The following MTUS2 variants were observed in gnomAD, a reference collection of about 807,000 sequenced individuals.
MTUS2 encodes the protein microtubule-associated tumor suppressor candidate 2.
MTUS2 carries 40 observed loss-of-function variants against 114.1 expected under a neutral mutation model. The observed-to-expected ratio is 0.35, with a 90% CI of 0.27 to 0.46. The LOEUF (loss-of-function observed/expected upper bound fraction) is 0.46, where lower values mean the gene tolerates loss of function less well. Among genes scored for constraint, MTUS2 ranks in the 20% least tolerant of loss-of-function variants. The probability of loss-of-function intolerance (pLI) is 1.00; values close to 1 mark genes in which losing one functional copy is unlikely to be tolerated. For synonymous variants in MTUS2, 688 were observed against 672.0 expected, an observed-to-expected ratio of 1.02 and a Z score of -0.37; for missense variants, 1,679 against 1,705.4, an observed-to-expected ratio of 0.98 and a Z score of 0.27.
chr13:29,459,662 T>C (rs1879349916), intron 9 of MTUS2, among the ~76,000 whole-genome samples: 1 of 152,246 alleles, frequency 6.6e-6, no homozygotes, highest in Admixed American at 6.5e-5. Context: ...ATTTACTTTT[T>C]ATTGCATTCA....
intron 5 of MTUS2, among the ~76,000 whole-genome samples, chr13:29,240,917 T>C (rs1185144203): frequency 6.6e-6 from 1 of 152,144 alleles, no homozygotes; most frequent in Non-Finnish European, 1.5e-5. Context: ...AAATTCAACC[T>C]TATAAAAAAG....
chr13:29,334,910 G>A (rs951605764), intron 7 of MTUS2, among the ~76,000 whole-genome samples: 3 of 152,144 alleles, frequency 2.0e-5, no homozygotes, highest in African/African-American at 4.8e-5. Context: ...TGTCATCTTC[G>A]TAAGCTCAGG....
chr13:29,401,995 A>G (rs553434235), intron 8 of MTUS2, among the ~76,000 whole-genome samples: 3 of 152,230 alleles, frequency 2.0e-5, no homozygotes, highest in African/African-American at 4.8e-5. Context: ...GTATTACCTC[A>G]TTTACTCAAT....
intron 6 of MTUS2, among the ~76,000 whole-genome samples, chr13:29,296,275 C>T (rs768079346): frequency 4.8e-4 from 73 of 151,956 alleles, no homozygotes; most frequent in Non-Finnish European, 7.4e-4. Context: ...TGCAGTGGTG[C>T]GATTATGGCT....
intron 7 of MTUS2, among the ~76,000 whole-genome samples, chr13:29,357,550 G>A (rs534094361): frequency 6.6e-6 from 1 of 152,170 alleles, no homozygotes; most frequent in African/African-American, 2.4e-5. Context: ...CTTAGGCTGT[G>A]TCTTAGAGTT....
chr13:28,825,351 T>C (rs926618568), intron 1 of MTUS2, among the ~76,000 whole-genome samples: 2 of 152,130 alleles, frequency 1.3e-5, no homozygotes, highest in African/African-American at 4.8e-5. Context: ...AATGGAACTA[T>C]GATGTATAAA....
At chr13:29,320,177 GAA>G (rs1900194728) in intron 6 of MTUS2, among the ~76,000 whole-genome samples, 1 of 152,200 alleles carries the variant, frequency 6.6e-6, no homozygotes. Flanking sequence ...GGAGGAATTA[GAA>G]AGACATGATG....
At chr13:29,085,141 T>C (rs975509908) in intron 4 of MTUS2, among the ~76,000 whole-genome samples, 1 of 152,196 alleles carries the variant, frequency 6.6e-6, no homozygotes, top group Non-Finnish European at 1.5e-5. Flanking sequence ...AGGCTTCCCT[T>C]TACCTTCCAC....
At chr13:29,254,686 A>C (rs999558490) in intron 5 of MTUS2, among the ~76,000 whole-genome samples, 3 of 152,224 alleles carry the variant, frequency 2.0e-5, no homozygotes, top group African/African-American at 7.2e-5. Context: ...CCATCTCATA[A>C]ACCTCCAATT....
intron 5 of MTUS2, 58 bp from the exon 6 acceptor site, chr13:29,281,646 T>G (rs1013445224): frequency 1.3e-5 from 20 of 1,513,960 alleles, no homozygotes; most frequent in Non-Finnish European, 1.8e-5. Context: ...GTGCAAATGG[T>G]GAGGGCTCCA....
intron 5 of MTUS2, among the ~76,000 whole-genome samples, chr13:29,194,977 C>T (rs901994453): frequency 1.3e-5 from 2 of 149,876 alleles, no homozygotes; most frequent in Non-Finnish European, 3.0e-5. Context: ...TCATCATTCT[C>T]AGTAAACTAT....
chr13:29,398,573 A>G (rs1233517223), intron 8 of MTUS2, among the ~76,000 whole-genome samples: 1 of 151,986 alleles, frequency 6.6e-6, no homozygotes, highest in Non-Finnish European at 1.5e-5. Context: ...TCATTCTACT[A>G]TTTACCTGGT....
At chr13:28,941,494 C>T (rs1046087512) in intron 2 of MTUS2, among the ~76,000 whole-genome samples, 1 of 151,782 alleles carries the variant, frequency 6.6e-6, no homozygotes, top group African/African-American at 2.4e-5. Flanking sequence ...TATATTTTTG[C>T]AAAATTTGCA....
chr13:29,469,097 C>T (rs115604271), intron 9 of MTUS2, among the ~76,000 whole-genome samples: 35 of 152,308 alleles, frequency 2.3e-4, no homozygotes, highest in East Asian at 9.6e-4. Flanking sequence ...CCTCGTTTGA[C>T]GGATGAGAAT....
chr13:29,105,594 C>A (rs1890624383), intron 5 of MTUS2, among the ~76,000 whole-genome samples: 1 of 151,250 alleles, frequency 6.6e-6, no homozygotes, highest in African/African-American at 2.4e-5. Context: ...GAACAGAAAT[C>A]ATGGGGCAAA....
At chr13:29,389,452 CACGT>C (rs1360804252) in intron 8 of MTUS2, among the ~76,000 whole-genome samples, 2 of 106,534 alleles carry the variant, frequency 1.9e-5, no homozygotes, top group Admixed American at 2.1e-4. Context: ...TGTATGTATA[CACGT>C]GTGTGTATGT....
chr13:29,405,162 G>A (rs555542861), intron 8 of MTUS2, among the ~76,000 whole-genome samples: 2 of 152,268 alleles, frequency 1.3e-5, no homozygotes, highest in South Asian at 4.1e-4. Context: ...AGAATCACCT[G>A]TTCTTCTTGA....
At chr13:29,046,299 A>G (rs1887615326) in intron 4 of MTUS2, among the ~76,000 whole-genome samples, 1 of 151,292 alleles carries the variant, frequency 6.6e-6, no homozygotes, top group Admixed American at 6.6e-5. Flanking sequence ...TTTTTTTTGT[A>G]GAGATGAGGT....
At chr13:29,015,091 A>G (rs1398285785) in intron 2 of MTUS2, among the ~76,000 whole-genome samples, 2 of 152,230 alleles carry the variant, frequency 1.3e-5, no homozygotes, top group Admixed American at 1.3e-4. Flanking sequence ...GCAATGTTGG[A>G]GGAACAGAAA....
Sources: allele counts gnomAD v4.1 joint callset (sites outside exome capture counted in the v4.1 genomes callset), GRCh38; gene constraint gnomAD v4.1.1; transcripts MANE v1.5; gene names NCBI Gene and HGNC (gene_info 2026-07-23, HGNC 2026-07-21).